The following SDCCAG8 variants were observed in gnomAD, a reference collection of about 807,000 sequenced individuals.
SDCCAG8 encodes the protein SHH signaling and ciliogenesis regulator SDCCAG8, also known as serologically defined colon cancer antigen 8.
Under a neutral mutation model 101.8 loss-of-function variants are expected in SDCCAG8, and 74 were observed. The ratio of observed to expected loss-of-function variants is 0.73; its 90% confidence interval spans 0.60 to 0.88. The LOEUF is 0.88. SDCCAG8 is among the 40% of genes least tolerant of loss of function. SDCCAG8 has a pLI of 0.00. For missense variants in SDCCAG8, 787 were observed against 822.6 expected, an observed-to-expected ratio of 0.96 and a Z score of 0.53; for synonymous variants, 281 against 292.9, an observed-to-expected ratio of 0.96 and a Z score of 0.41.
At chr1:243,443,289 G>A (rs966806404) in intron 16 of SDCCAG8, among the ~76,000 whole-genome samples, 5 of 152,204 alleles carry the variant, frequency 3.3e-5, no homozygotes, top group Admixed American at 6.5e-5. Context: ...CAAAAAGGGC[G>A]AAGAAGATGC....
At chr1:243,274,462 CT>C in intron 3 of SDCCAG8, 80 bp from the exon 4 acceptor site, 1 of 807,264 alleles carries the variant, frequency 1.2e-6, no homozygotes, top group South Asian at 1.5e-5. Flanking sequence ...ACAACTGATT[CT>C]TTGCTAAATC....
intron 1 of SDCCAG8, among the ~76,000 whole-genome samples, chr1:243,256,890 CA>C (rs2066761133): frequency 1.3e-5 from 2 of 152,224 alleles, no homozygotes; most frequent in Non-Finnish European, 2.9e-5. Flanking sequence ...TTACTATTAT[CA>C]AAACCTTATT....
At chr1:243,375,228 C>T (rs1287103976) in intron 12 of SDCCAG8, among the ~76,000 whole-genome samples, 2 of 152,044 alleles carry the variant, frequency 1.3e-5, no homozygotes, top group African/African-American at 4.8e-5. Flanking sequence ...ATAAGTTTGT[C>T]TTTTAAAAAT....
chr1:243,371,359 A>G (rs2077278466), intron 12 of SDCCAG8, among the ~76,000 whole-genome samples: 2 of 152,144 alleles, frequency 1.3e-5, no homozygotes, highest in Admixed American at 6.5e-5. Flanking sequence ...CTGCCACTGT[A>G]TAATCTTATG....
chr1:243,315,144 T>G (rs1011790280), intron 8 of SDCCAG8, among the ~76,000 whole-genome samples: 2 of 152,240 alleles, frequency 1.3e-5, no homozygotes, highest in African/African-American at 2.4e-5. Flanking sequence ...GACTGTAAGA[T>G]GCCTATATTG....
At chr1:243,267,659 C>T in intron 1 of SDCCAG8, 1 of 754,780 alleles carries the variant, frequency 1.3e-6, no homozygotes, top group South Asian at 1.3e-5. Context: ...CACTTACACA[C>T]ACTTAGGCTG....
At chr1:243,266,784 A>T (rs1315879193) in intron 1 of SDCCAG8, among the ~76,000 whole-genome samples, 1 of 148,820 alleles carries the variant, frequency 6.7e-6, no homozygotes, top group African/African-American at 2.5e-5. Context: ...TACAAAAAAA[A>T]AAAAAGAAAT....
At chr1:243,310,693 A>G (rs2149323082) in intron 8 of SDCCAG8, among the ~76,000 whole-genome samples, 1 of 152,344 alleles carries the variant, frequency 6.6e-6, no homozygotes, top group African/African-American at 2.4e-5. Flanking sequence ...TATTCAGTTA[A>G]AAGGCTGAGA....
chr1:243,298,075 G>A (rs1430179767), intron 6 of SDCCAG8, among the ~76,000 whole-genome samples: 2 of 144,198 alleles, frequency 1.4e-5, no homozygotes, highest in African/African-American at 5.1e-5. Flanking sequence ...TTAAGACGGA[G>A]TCTCACTCTG....
rs1257228349 is a variant in SDCCAG8 at position 243,293,138 on chromosome 1, G to A, written c.594G>A (p.Val198=). The change falls in exon 6 of 18, where the codon GTG becomes GTA. Residue 198 remains valine (V), a synonymous_variant. Transcript: ENST00000366541. ...SWITTGEDSG[V]GETSKRPFSH... is the part of the protein sequence containing the mutation. ...TTACAACAGGTGAAGATTCTGGGGTGGGCGAAACCTCCAAAAGACCATTTT... is the reference window on the plus strand; with the variant it reads ...TTACAACAGGTGAAGATTCTGGGGTAGGCGAAACCTCCAAAAGACCATTTT... The A allele has an allele frequency of 1.2e-6, 2 of 1,614,082 alleles. No individual in the cohort carries two copies. Among genetic ancestry groups the A allele is most frequent in the East Asian group, 2.2e-5 (1 of 44,876 alleles).
At chr1:243,327,590 C>T (rs1182390475) in intron 9 of SDCCAG8, among the ~76,000 whole-genome samples, 1 of 151,240 alleles carries the variant, frequency 6.6e-6, no homozygotes, top group African/African-American at 2.4e-5. Context: ...ACTGACCTAG[C>T]CTTTGAGAAG....
Position 243,418,045 on chromosome 1 carries a change from A to G in SDCCAG8, c.1822A>G (p.Lys608Glu). 6.2e-7 allele frequency: 1 copy of G among 1,612,898 alleles called. No individual in the cohort carries two copies. Among genetic ancestry groups the G allele is most frequent in the Non-Finnish European group, 8.5e-7 (1 of 1,179,138 alleles). ...KLKEECCTLA[K>E]KLEQISQKTR... ...AAAGGAAGAATGCTGTACATTAGCCAAGAAACTGGAACAAATCTCTCAAAA... is the reference window on the plus strand; with the variant it reads ...AAAGGAAGAATGCTGTACATTAGCCGAGAAACTGGAACAAATCTCTCAAAA... The change falls in exon 15 of 18, where the codon AAG (lysine) becomes GAG (glutamate). Residue 608 changes from lysine (K) to glutamate (E), a missense_variant. By Grantham distance (56) the Lys-to-Glu change is moderately conservative. Coordinates refer to ENST00000366541, the MANE Select transcript of SDCCAG8 (RefSeq NM_006642.5).
At chr1:243,466,381 T>C (rs768818075) in intron 16 of SDCCAG8, among the ~76,000 whole-genome samples, 1 of 152,214 alleles carries the variant, frequency 6.6e-6, no homozygotes, top group African/African-American at 2.4e-5. Flanking sequence ...CCTTTCCTAC[T>C]TAATGCCTCT....
At chr1:243,386,903 T>C (rs918580547) in intron 13 of SDCCAG8, among the ~76,000 whole-genome samples, 11 of 152,222 alleles carry the variant, frequency 7.2e-5, no homozygotes, top group African/African-American at 1.2e-4. Context: ...TTATTTGCCA[T>C]TGTCATTTAA....
At chr1:243,375,334 T>A (rs1558377499) in intron 12 of SDCCAG8, among the ~76,000 whole-genome samples, 1 of 152,180 alleles carries the variant, frequency 6.6e-6, no homozygotes, top group Non-Finnish European at 1.5e-5. Flanking sequence ...TTCCTTGTTA[T>A]GAGCCATTTA....
At chr1:243,348,144 T>C (rs1432805755) in intron 12 of SDCCAG8, among the ~76,000 whole-genome samples, 3 of 146,302 alleles carry the variant, frequency 2.1e-5, no homozygotes, top group Non-Finnish European at 4.5e-5. Context: ...CATGCCATTC[T>C]CCCGCCTCAG....
intron 9 of SDCCAG8, among the ~76,000 whole-genome samples, chr1:243,325,974 T>C (rs369945531): frequency 3.9e-5 from 6 of 152,128 alleles, no homozygotes; most frequent in African/African-American, 1.4e-4. Flanking sequence ...ACGAAGCAGA[T>C]GAAAAGGTTA....
intron 11 of SDCCAG8, among the ~76,000 whole-genome samples, chr1:243,342,679 G>A (rs116246547): frequency 6.6e-6 from 1 of 152,082 alleles, no homozygotes; most frequent in Admixed American, 6.6e-5. Flanking sequence ...AGAAAATAAA[G>A]TATGGCTCCT....
intron 10 of SDCCAG8, among the ~76,000 whole-genome samples, chr1:243,332,021 G>C (rs1474860390): frequency 2.0e-5 from 3 of 152,222 alleles, no homozygotes; most frequent in Non-Finnish European, 4.4e-5. Flanking sequence ...ACTTTCCTGA[G>C]TAAGAGATGT....
Sources: allele counts gnomAD v4.1 joint callset (sites outside exome capture counted in the v4.1 genomes callset), GRCh38; gene constraint gnomAD v4.1.1; transcripts MANE v1.5; gene names NCBI Gene and HGNC (gene_info 2026-07-23, HGNC 2026-07-21).